The following SYT1 variants were observed in gnomAD, a reference collection of about 807,000 sequenced individuals.
SYT1 encodes the protein synaptotagmin-1.
SYT1 carries 8 observed loss-of-function variants against 44.8 expected under a neutral mutation model. The ratio of observed to expected loss-of-function variants is 0.18; its 90% CI spans 0.10 to 0.32. SYT1 has a LOEUF of 0.32. SYT1 is among the 10% of genes least tolerant of loss of function. The pLI is 1.00. For missense variants in SYT1, 286 were observed against 509.3 expected (o/e 0.56, Z 4.22); for synonymous variants, 154 against 188.8 (o/e 0.82, Z 1.51).
chr12:79,445,798 T>G (rs1333424972), intron 10 of SYT1, among the ~76,000 whole-genome samples: 1 of 150,238 alleles, frequency 6.7e-6, no homozygotes, highest in Non-Finnish European at 1.5e-5. Flanking sequence ...TAATCTATTC[T>G]TAGAAGACAG....
intron 1 of SYT1, among the ~76,000 whole-genome samples, chr12:78,880,728 G>A (rs570765204): frequency 6.6e-6 from 1 of 151,318 alleles, no homozygotes; most frequent in Admixed American, 6.6e-5. Flanking sequence ...GTGCATGTAG[G>A]AAATTTTCTT....
chr12:79,353,985 CAAT>C lies in SYT1; in HGVS notation c.928+367_928+369del, dbSNP rs771821183. On this transcript the variant is annotated intron_variant, in intron 9 of 10. Coordinates refer to ENST00000261205, the MANE Select transcript of SYT1 (RefSeq NM_005639.3). ...CAAAATTCACCCACGATATAAAAAA[CAAT>C]GTTTTCCATGAGACTTATTTATTAG... 4.6e-5 allele frequency among the ~76,000 whole-genome samples: 7 copies of C among 152,256 alleles called. 1 individual carries two copies. Among genetic ancestry groups the C allele is most frequent in the Admixed American group, 3.3e-4 (5 of 15,296 alleles).
intron 1 of SYT1, among the ~76,000 whole-genome samples, chr12:78,916,299 A>G (rs1289047940): frequency 6.6e-6 from 1 of 152,088 alleles, no homozygotes; most frequent in Admixed American, 6.6e-5. Context: ...CTTGTTTAAA[A>G]TATATTAAAA....
chr12:79,019,355 C>G (rs1260290330), intron 2 of SYT1, among the ~76,000 whole-genome samples: 5 of 151,926 alleles, frequency 3.3e-5, no homozygotes, highest in African/African-American at 1.2e-4. Context: ...AATTAAGTTA[C>G]TCATGAGATA....
At chr12:79,239,823 C>T (rs999813083) in intron 4 of SYT1, among the ~76,000 whole-genome samples, 1 of 152,124 alleles carries the variant, frequency 6.6e-6, no homozygotes, top group Non-Finnish European at 1.5e-5. Context: ...AAATTCTGTT[C>T]CTTGAAATTA....
At chr12:79,104,230 C>T (rs1332507835) in intron 3 of SYT1, among the ~76,000 whole-genome samples, 1 of 150,104 alleles carries the variant, frequency 6.7e-6, no homozygotes, top group Non-Finnish European at 1.5e-5. Flanking sequence ...ATACAGAGTT[C>T]TTTTTTCAAA....
chr12:78,883,017 G>A (rs1006438979), intron 1 of SYT1, among the ~76,000 whole-genome samples: 1 of 151,680 alleles, frequency 6.6e-6, no homozygotes, highest in Admixed American at 6.6e-5. Flanking sequence ...AGTAGAGATT[G>A]TTACTGAAAT....
intron 1 of SYT1, among the ~76,000 whole-genome samples, chr12:78,957,664 G>A (rs183118555): frequency 1.1e-4 from 16 of 152,218 alleles, no homozygotes; most frequent in Non-Finnish European, 2.2e-4. Flanking sequence ...GAGTCAAATA[G>A]CGTGCTGAAC....
chr12:79,445,990 CATATATATATATATATATATATAT>C (rs59721146), intron 10 of SYT1, among the ~76,000 whole-genome samples: 16 of 44,152 alleles, frequency 3.6e-4, no homozygotes, highest in East Asian at 1.6e-3. Context: ...AATCCAAAGA[CATATATATATATATATATATATAT>C]ATATATATAT....
chr12:78,963,414 T>C (rs1879615802), intron 1 of SYT1, among the ~76,000 whole-genome samples: 1 of 151,980 alleles, frequency 6.6e-6, no homozygotes, highest in South Asian at 2.1e-4. Context: ...TTGCAAACCA[T>C]AGATAATGAT....
At chr12:79,401,850 G>A (rs569285463) in intron 9 of SYT1, among the ~76,000 whole-genome samples, 7 of 151,790 alleles carry the variant, frequency 4.6e-5, no homozygotes, top group Non-Finnish European at 8.8e-5. Context: ...TTTCATTTTT[G>A]TAAAGTCATG....
rs1282669463 is a variant in SYT1 at position 78,973,958 on chromosome 12, T to A, written c.-216-3841T>A. 2.3e-3 allele frequency among the ~76,000 whole-genome samples: 88 copies of A among 38,624 alleles called. 4 individuals are homozygous for A. Among genetic ancestry groups the A allele is most frequent in the African/African-American group, 4.3e-3 (42 of 9,794 alleles). The allele number at this position is 38,624 out of a possible 152,430, so 25.3% of individuals were successfully genotyped here. A position where few individuals can be genotyped will look rare whatever the true frequency, so the allele number is the denominator to read the frequency against. On this transcript the variant is annotated intron_variant, in intron 1 of 10. Transcript: ENST00000261205. ...AAAAAAATATATATATATATATATATATATATATATATATATATATATATA... is the reference window on the plus strand; with the variant it reads ...AAAAAAATATATATATATATATATAAATATATATATATATATATATATATA...
intron 3 of SYT1, among the ~76,000 whole-genome samples, chr12:79,123,103 C>G (rs907769756): frequency 6.6e-6 from 1 of 152,144 alleles, no homozygotes; most frequent in Non-Finnish European, 1.5e-5. Context: ...CTCTTAAAAG[C>G]TTCAAACTAA....
At chr12:79,181,929 T>A (rs1872573177) in intron 3 of SYT1, among the ~76,000 whole-genome samples, 1 of 152,064 alleles carries the variant, frequency 6.6e-6, no homozygotes, top group African/African-American at 2.4e-5. Context: ...TCATCCTCCA[T>A]GCTCTTCCTC....
intron 3 of SYT1, among the ~76,000 whole-genome samples, chr12:79,213,235 C>T (rs1038578666): frequency 6.6e-6 from 1 of 152,148 alleles, no homozygotes; most frequent in African/African-American, 2.4e-5. Flanking sequence ...TCTAGGCAGA[C>T]AGAGTGTATA....
chr12:79,237,284 G>A (rs1876247721), intron 4 of SYT1, among the ~76,000 whole-genome samples: 1 of 152,188 alleles, frequency 6.6e-6, no homozygotes, highest in African/African-American at 2.4e-5. Flanking sequence ...ACGAGAAAGA[G>A]TTGGGCATTA....
chr12:79,014,139 GA>G (rs1170016597), intron 2 of SYT1, among the ~76,000 whole-genome samples: 934 of 90,356 alleles, frequency 0.01, 10 homozygotes, highest in East Asian at 0.05. Flanking sequence ...AAAAAAAAAA[GA>G]AAAAAAAAAA....
chr12:78,948,237 A>C (rs948834338), intron 1 of SYT1, among the ~76,000 whole-genome samples: 2 of 151,866 alleles, frequency 1.3e-5, no homozygotes, highest in African/African-American at 4.8e-5. Flanking sequence ...GACATATTTA[A>C]CTTTTTCATT....
At chr12:79,298,788 T>A in intron 7 of SYT1, among the ~76,000 whole-genome samples, 1 of 152,168 alleles carries the variant, frequency 6.6e-6, no homozygotes, top group Non-Finnish European at 1.5e-5. Context: ...GCACCTCTTA[T>A]ATTCAAAACA....
Sources: gnomAD v4.1 joint callset for allele counts (sites outside exome capture counted in the v4.1 genomes callset) on GRCh38, gnomAD v4.1.1 for gene constraint, MANE v1.5 for transcripts, NCBI Gene and HGNC (gene_info 2026-07-23, HGNC 2026-07-21) for gene names.